The following NKAIN2 variants were observed in gnomAD, a reference collection of about 807,000 sequenced individuals.
NKAIN2 encodes the protein sodium/potassium transporting ATPase interacting 2.
NKAIN2 carries 14 observed loss-of-function variants against 32.6 expected under a neutral mutation model. The ratio of observed to expected loss-of-function variants is 0.43; its 90% CI spans 0.28 to 0.67. The LOEUF (loss-of-function observed/expected upper bound fraction) is 0.67, where lower values mean the gene tolerates loss of function less well. Among genes scored for constraint, NKAIN2 ranks in the 30% least tolerant of loss-of-function variants. The probability of loss-of-function intolerance (pLI) is 0.17; values close to 1 mark genes in which losing one functional copy is unlikely to be tolerated. For synonymous variants in NKAIN2, 80 were observed against 87.2 expected (o/e 0.92, Z 0.46); for missense variants, 198 against 258.3 (o/e 0.77, Z 1.60).
rs919058220 is a variant in NKAIN2 at position 124,667,447 on chromosome 6, T to A, written c.474+9061T>A. 7.9e-5 allele frequency among the ~76,000 whole-genome samples: 12 copies of A among 152,192 alleles called. 1 individual carries two copies. The highest frequency in any genetic ancestry group is 5.2e-4 in the Admixed American group (8 of 15,278). On this transcript the variant is annotated intron_variant, in intron 4 of 6. Coordinates refer to ENST00000368417, the MANE Select transcript of NKAIN2 (RefSeq NM_001040214.3). ...TGAAGTACATTAAATTATAAGTTATTTCAGAAATAAGTAAAGTATATGAAG... is the reference window on the plus strand; with the variant it reads ...TGAAGTACATTAAATTATAAGTTATATCAGAAATAAGTAAAGTATATGAAG...
chr6:123,851,699 T>C (rs1025187741), intron 1 of NKAIN2, among the ~76,000 whole-genome samples: 1 of 152,222 alleles, frequency 6.6e-6, no homozygotes. Context: ...TGATTAGTGA[T>C]GTCGAGCTTT....
chr6:124,561,549 A>G (rs907772765), intron 3 of NKAIN2, among the ~76,000 whole-genome samples: 1 of 152,194 alleles, frequency 6.6e-6, no homozygotes, highest in Admixed American at 6.5e-5. Flanking sequence ...AATTCTTCAT[A>G]TAACAAGACT....
intron 3 of NKAIN2, among the ~76,000 whole-genome samples, chr6:124,523,761 G>C (rs559831775): frequency 3.6e-4 from 54 of 152,076 alleles, no homozygotes; most frequent in Non-Finnish European, 7.5e-4. Flanking sequence ...AAGGAACAAT[G>C]CTCCTAAGGT....
chr6:124,686,158 T>G (rs1250008400), intron 4 of NKAIN2, among the ~76,000 whole-genome samples: 1 of 152,164 alleles, frequency 6.6e-6, no homozygotes, highest in Admixed American at 6.6e-5. Context: ...TCTTGTGGAC[T>G]TCCTAACATA....
At chr6:124,287,332 T>C (rs928185517) in intron 2 of NKAIN2, among the ~76,000 whole-genome samples, 30 of 152,296 alleles carry the variant, frequency 2.0e-4, no homozygotes, top group African/African-American at 7.2e-4. Flanking sequence ...ATTTAATTGA[T>C]CTTGCCTCCC....
At chr6:124,523,442 A>G (rs1398695402) in intron 3 of NKAIN2, among the ~76,000 whole-genome samples, 1 of 152,062 alleles carries the variant, frequency 6.6e-6, no homozygotes, top group East Asian at 1.9e-4. Context: ...TTTCTGTGTA[A>G]GATGCCATTT....
intron 1 of NKAIN2, among the ~76,000 whole-genome samples, chr6:124,196,998 A>G (rs1440021209): frequency 6.6e-6 from 1 of 151,852 alleles, no homozygotes; most frequent in Non-Finnish European, 1.5e-5. Context: ...TGTAGTCTAT[A>G]TCATTAGAGA....
intron 1 of NKAIN2, among the ~76,000 whole-genome samples, chr6:123,844,177 T>C (rs543794633): frequency 2.0e-5 from 3 of 152,246 alleles, no homozygotes; most frequent in East Asian, 1.9e-4. Context: ...TGCCATACTT[T>C]GCAGTGTCAT....
chr6:124,449,477 A>G (rs1776015526), intron 3 of NKAIN2, among the ~76,000 whole-genome samples: 1 of 152,122 alleles, frequency 6.6e-6, no homozygotes, highest in Non-Finnish European at 1.5e-5. Context: ...CACAAAATAG[A>G]GGTAAGTGAC....
intron 3 of NKAIN2, among the ~76,000 whole-genome samples, chr6:124,402,874 A>C (rs1262211983): frequency 2.0e-5 from 3 of 152,180 alleles, no homozygotes; most frequent in Non-Finnish European, 4.4e-5. Context: ...CCTGGGGCAC[A>C]AAATAATCTG....
rs755854055 is a variant in NKAIN2, at chr6:124,403,519, A to C, written c.273+48172A>C. On this transcript the variant is annotated intron_variant, in intron 3 of 6. Transcript: ENST00000368417. ...TCAGCATAGTCAATCACATTTAAGC[A>C]GTGAATATACTGTCAAAAGTATTGT... 4.7e-4 allele frequency among the ~76,000 whole-genome samples: 71 copies of C among 152,316 alleles called. No homozygotes were observed. In the Middle Eastern group the frequency reaches 0.01, roughly 22 times the overall value.
At chr6:124,751,948 C>T (rs1442931590) in intron 4 of NKAIN2, among the ~76,000 whole-genome samples, 1 of 152,006 alleles carries the variant, frequency 6.6e-6, no homozygotes, top group East Asian at 1.9e-4. Context: ...CACTGCTGCA[C>T]TCTAGCCTGG....
chr6:124,491,884 G>GAGT (rs1370604750), intron 3 of NKAIN2, among the ~76,000 whole-genome samples: 1 of 151,882 alleles, frequency 6.6e-6, no homozygotes, highest in Non-Finnish European at 1.5e-5. Flanking sequence ...ACAGAAACAA[G>GAGT]AGTAGTATCT....
intron 3 of NKAIN2, among the ~76,000 whole-genome samples, chr6:124,503,216 A>G (rs1778359903): frequency 6.6e-6 from 1 of 152,116 alleles, no homozygotes; most frequent in Non-Finnish European, 1.5e-5. Flanking sequence ...ATATTTGTAC[A>G]TTATATTGAA....
At chr6:124,729,745 A>G (rs1253968861) in intron 4 of NKAIN2, among the ~76,000 whole-genome samples, 3 of 151,494 alleles carry the variant, frequency 2.0e-5, no homozygotes, top group African/African-American at 4.8e-5. Context: ...AGGGTATTCA[A>G]TTAGGAAAAG....
chr6:124,464,427 G>A (rs1776659042), intron 3 of NKAIN2, among the ~76,000 whole-genome samples: 1 of 146,360 alleles, frequency 6.8e-6, no homozygotes, highest in South Asian at 2.1e-4. Context: ...TGAATTATAA[G>A]CTTTTTTTTT....
intron 1 of NKAIN2, among the ~76,000 whole-genome samples, chr6:124,117,327 A>T (rs1003102048): frequency 6.6e-6 from 1 of 152,108 alleles, no homozygotes; most frequent in Non-Finnish European, 1.5e-5. Context: ...TTCCTAAATG[A>T]TCTGTTTGAT....
At chr6:124,013,222 A>G (rs570683695) in intron 1 of NKAIN2, among the ~76,000 whole-genome samples, 2 of 152,278 alleles carry the variant, frequency 1.3e-5, no homozygotes, top group East Asian at 1.9e-4. Flanking sequence ...ACTGGATACA[A>G]TCTTTATCAA....
intron 1 of NKAIN2, among the ~76,000 whole-genome samples, chr6:124,242,274 C>A (rs1793146522): frequency 6.6e-6 from 1 of 152,002 alleles, no homozygotes; most frequent in Admixed American, 6.6e-5. Context: ...ATTTATACGG[C>A]CAACAAACAT....
Sources: allele counts gnomAD v4.1 joint callset (sites outside exome capture counted in the v4.1 genomes callset), GRCh38; gene constraint gnomAD v4.1.1; transcripts MANE v1.5; gene names NCBI Gene and HGNC (gene_info 2026-07-23, HGNC 2026-07-21).